TTC1: variants seen among roughly 807,000 people sequenced by gnomAD.
TTC1 encodes the protein tetratricopeptide repeat protein 1.
TTC1 carries 31 observed loss-of-function variants against 37.6 expected under a neutral mutation model. The observed-to-expected ratio is 0.82, with a 90% CI of 0.62 to 1.11. The LOEUF is 1.11. Ranked by LOEUF, TTC1 falls within the 50% of genes most tolerant of loss-of-function variation. The pLI is 0.00. For missense variants in TTC1, 351 were observed against 339.0 expected (o/e 1.04, Z -0.28); for synonymous variants, 127 against 122.4 (o/e 1.04, Z -0.25).
intron 2 of TTC1, among the ~76,000 whole-genome samples, chr5:160,013,908 C>G (rs1386675066): frequency 6.6e-6 from 1 of 151,798 alleles, no homozygotes; most frequent in Non-Finnish European, 1.5e-5. Context: ...TTTATGTGAC[C>G]ATTTCTTTAG....
rs183184338 is a variant in TTC1 at position 160,057,809 on chromosome 5, G to A, written c.745+6626G>A. ...GTGTGACACAGAGCCTCATTCTGTC[G>A]CCAGGCTGGAGTGCAGTGGCACAAT... On this transcript the variant is annotated intron_variant, in intron 7 of 7. Transcript: ENST00000231238. The surrounding 1 kb of genome is among the most constrained non-coding windows in gnomAD (Gnocchi z 4.4). 1.2e-3 allele frequency among the ~76,000 whole-genome samples: 190 copies of A among 152,104 alleles called. 3 individuals carry two copies. The Middle Eastern group carries it at 0.017, about 14-fold the overall frequency.
intron 7 of TTC1, among the ~76,000 whole-genome samples, chr5:160,052,548 C>CAAAAAAAA (rs557157232): frequency 2.9e-5 from 2 of 68,070 alleles, no homozygotes; most frequent in African/African-American, 5.7e-5. Flanking sequence ...TCTATTTTAG[C>CAAAAAAAA]AAAAAAAAAA....
At chr5:160,064,330 T>C (rs1362130945) in intron 7 of TTC1, among the ~76,000 whole-genome samples, 1 of 152,174 alleles carries the variant, frequency 6.6e-6, no homozygotes, top group Non-Finnish European at 1.5e-5. Flanking sequence ...GGCTGGACTA[T>C]TGAGGTCTTA....
chr5:160,045,735 A>T (rs2113384539), intron 5 of TTC1, among the ~76,000 whole-genome samples: 1 of 151,388 alleles, frequency 6.6e-6, no homozygotes, highest in African/African-American at 2.4e-5. Context: ...AACTTTTTTT[A>T]TTTTTTATTT....
At chr5:160,062,232 C>T (rs1389069855) in intron 7 of TTC1, 4 of 152,144 alleles carry the variant, frequency 2.6e-5, no homozygotes, top group East Asian at 1.9e-4. Context: ...TTCTTCCTCT[C>T]GTCGGCAGTT....
intron 2 of TTC1, among the ~76,000 whole-genome samples, chr5:160,018,942 C>T (rs569275767): frequency 3.3e-5 from 5 of 152,260 alleles, no homozygotes; most frequent in Admixed American, 2.0e-4. Context: ...TGGAGTGAGA[C>T]GTTAGAATGA....
intron 2 of TTC1, among the ~76,000 whole-genome samples, chr5:160,031,918 G>A (rs1247714754): frequency 1.3e-5 from 2 of 152,096 alleles, no homozygotes; most frequent in Admixed American, 6.5e-5. Flanking sequence ...TTGAGTCCAG[G>A]AGTTCAAGTT....
chr5:160,050,405 C>T (rs1333699742), intron 6 of TTC1, among the ~76,000 whole-genome samples: 2 of 152,056 alleles, frequency 1.3e-5, no homozygotes, highest in African/African-American at 4.8e-5. Flanking sequence ...TGAGATTGCG[C>T]CACTGCACTC....
rs80245393 is a variant in TTC1 at position 160,016,918 on chromosome 5, T to C, written c.330+6060T>C. Among the ~76,000 whole-genome samples, 700 of 152,358 alleles carry C rather than the reference T, an allele frequency of 4.6e-3. 6 individuals are homozygous for C. Among genetic ancestry groups the C allele is most frequent in the South Asian group, 0.018 (85 of 4,834 alleles). On this transcript the variant is annotated intron_variant, in intron 2 of 7. Coordinates refer to ENST00000231238, the MANE Select transcript of TTC1 (RefSeq NM_003314.3). Reference sequence around the variant, plus strand: ...TCACGCTCAAGTGTAGTGTCACTTCTCAGCAGGACTCATAAATCAAGAATA... The same window carrying C: ...TCACGCTCAAGTGTAGTGTCACTTCCCAGCAGGACTCATAAATCAAGAATA...
rs375546371 is a variant in TTC1, at chr5:160,051,258, A to C, written c.745+75A>C. On this transcript the variant is annotated intron_variant, in intron 7 of 7. Transcript: ENST00000231238. The stretch of plus-strand genomic sequence containing the variant: ...GTGGGGACATAGCGAATACTAGAGG[A>C]GAACACATGAGTTAGAAAGTTTCGG... The C allele has an allele frequency of 5.5e-4, 662 of 1,192,848 alleles. 11 individuals are homozygous for C. In the South Asian group the frequency reaches 9.4e-3, roughly 17 times the overall value. 73.9% of individuals were successfully genotyped at this position (1,192,848 alleles called of 1,614,324 possible). A position where few individuals can be genotyped will look rare whatever the true frequency, so the allele number is the denominator to read the frequency against.
chr5:160,065,206 T>C lies in TTC1; in HGVS notation c.*141T>C, dbSNP rs1163735643. ...TATCCAGTAGAGCCCAGTGCTCCCT[T>C]GTCCCTCTTTTATGATCAGGGTGAA... On this transcript the variant is annotated 3_prime_UTR_variant, in exon 8 of 8. Transcript: ENST00000231238. 5.2e-6 allele frequency: 6 copies of C among 1,160,016 alleles called. No homozygotes were observed. In the Admixed American group the frequency reaches 5.9e-5, roughly 11 times the overall value. The allele number at this position is 1,160,016 out of a possible 1,614,324, so 71.9% of individuals were successfully genotyped here. A position where few individuals can be genotyped will look rare whatever the true frequency, so the allele number is the denominator to read the frequency against.
intron 2 of TTC1, among the ~76,000 whole-genome samples, chr5:160,019,724 A>G (rs1031919321): frequency 4.0e-5 from 6 of 151,348 alleles, no homozygotes; most frequent in African/African-American, 1.5e-4. Flanking sequence ...AGCTGGGGCT[A>G]CAGGCGTGTG....
chr5:160,043,458 G>T (rs915814786), intron 5 of TTC1, among the ~76,000 whole-genome samples: 2 of 152,174 alleles, frequency 1.3e-5, no homozygotes, highest in African/African-American at 2.4e-5. Context: ...TTAGGCATAT[G>T]TGGTGGCATG....
chr5:160,045,254 C>G (rs528516907), intron 5 of TTC1, among the ~76,000 whole-genome samples: 1 of 152,166 alleles, frequency 6.6e-6, no homozygotes, highest in East Asian at 1.9e-4. Context: ...AGTGTAGGAG[C>G]CTTGCCTAGA....
At chr5:160,046,147 TG>T (rs1345588212) in intron 5 of TTC1, among the ~76,000 whole-genome samples, 1 of 152,246 alleles carries the variant, frequency 6.6e-6, no homozygotes, top group Non-Finnish European at 1.5e-5. Context: ...TATACTTGGC[TG>T]TCTCTACTTT....
chr5:160,064,983 C>T lies in TTC1; in HGVS notation c.797C>T (p.Thr266Met), dbSNP rs535272318. The change falls in exon 8 of 8, where the codon ACG becomes ATG. Residue 266 changes from threonine (T) to methionine (M), a missense_variant. Physicochemically the swap from Thr to Met is moderately conservative, Grantham distance 81 (BLOSUM62 -1). Transcript: ENST00000231238. ...NLVLRPFGLS[T>M]ENFQIKQDSS... Reference sequence around the variant, plus strand: ...GTTCTCCGACCTTTTGGGCTCTCCACGGAAAATTTCCAGATCAAACAGGAT... The same window carrying T: ...GTTCTCCGACCTTTTGGGCTCTCCATGGAAAATTTCCAGATCAAACAGGAT... The T allele has an allele frequency of 6.8e-6, 11 of 1,613,978 alleles. No individual in the cohort carries two copies. In the East Asian group the frequency reaches 8.9e-5, roughly 13 times the overall value.
At chr5:160,022,785 G>C (rs998901044) in intron 2 of TTC1, among the ~76,000 whole-genome samples, 7 of 152,144 alleles carry the variant, frequency 4.6e-5, no homozygotes, top group African/African-American at 1.7e-4. Context: ...ATGTAAAGAA[G>C]TTTATAATAT....
In TTC1 at chr5:160,065,258, A is replaced by C; in HGVS notation, c.*193A>C. The stretch of plus-strand genomic sequence containing the variant: ...TGTACTTCCTGATGTAATGAACCTA[A>C]TTTGATTTCCATTTTAAGGTGGTGT... On this transcript the variant is annotated 3_prime_UTR_variant, in exon 8 of 8. Coordinates refer to ENST00000231238, the MANE Select transcript of TTC1 (RefSeq NM_003314.3). 1.2e-6 allele frequency: 1 copy of C among 840,244 alleles called. No homozygotes were observed. The highest frequency in any genetic ancestry group is 1.9e-6 in the Non-Finnish European group (1 of 516,158). 52.0% of individuals were successfully genotyped at this position (840,244 alleles called of 1,614,324 possible).
At chr5:160,029,333 A>G (rs898695819) in intron 2 of TTC1, among the ~76,000 whole-genome samples, 1 of 152,054 alleles carries the variant, frequency 6.6e-6, no homozygotes, top group Non-Finnish European at 1.5e-5. Flanking sequence ...TCTAAACACT[A>G]TTCCACACTA....
Sources: gnomAD v4.1 joint callset for allele counts (sites outside exome capture counted in the v4.1 genomes callset) on GRCh38, gnomAD v4.1.1 for gene constraint, Gnocchi (gnomAD v3.1) non-coding constraint, MANE v1.5 for transcripts, NCBI Gene and HGNC (gene_info 2026-07-23, HGNC 2026-07-21) for gene names.